The following TENT5D variants were observed in gnomAD, a reference collection of about 807,000 sequenced individuals.
The protein encoded by TENT5D is terminal nucleotidyltransferase 5D, also known as cancer/testis antigen 112.
For synonymous variants in TENT5D, 103 were observed against 100.6 expected (o/e 1.02, Z -0.15); for missense variants, 191 against 287.0 (o/e 0.67, Z 2.42).
chrX:80,387,526 A>T (rs769672321), intron 3 of TENT5D, among the ~76,000 whole-genome samples: 2 of 112,099 alleles, frequency 1.8e-5, no homozygotes, highest in East Asian at 5.7e-4. Context: ...CTGGTCTTGG[A>T]TATGATCTCA....
intron 2 of TENT5D, among the ~76,000 whole-genome samples, chrX:80,341,347 C>G (rs1204884427): frequency 1.8e-5 from 2 of 112,103 alleles, no homozygotes; most frequent in African/African-American, 3.2e-5. Context: ...GGATTTGTGC[C>G]TTAAAAGTCA....
chrX:80,399,215 G>GT (rs1162562279), intron 3 of TENT5D, among the ~76,000 whole-genome samples: 1 of 111,638 alleles, frequency 9.0e-6, no homozygotes, highest in African/African-American at 3.3e-5. Context: ...TTTCTCCCGT[G>GT]TTTTTCTACT....
chrX:80,421,183 TTTTG>T (rs767088641), intron 1 of TENT5D, among the ~76,000 whole-genome samples: 4 of 111,156 alleles, frequency 3.6e-5, no homozygotes, highest in Non-Finnish European at 3.8e-5. Context: ...TTTGTATAGT[TTTTG>T]TTTGTTTGTT....
At chrX:80,387,983 A>G (rs755470504) in intron 3 of TENT5D, among the ~76,000 whole-genome samples, 1 of 111,306 alleles carries the variant, frequency 9.0e-6, no homozygotes, top group African/African-American at 3.3e-5. Flanking sequence ...CTTTCTACAG[A>G]CAGAGCAGTC....
intron 3 of TENT5D, among the ~76,000 whole-genome samples, chrX:80,344,822 G>C (rs1192452968): frequency 9.0e-6 from 1 of 110,867 alleles, no homozygotes; most frequent in Non-Finnish European, 1.9e-5. Flanking sequence ...ATTATTACCT[G>C]TTTGCTTAAG....
chrX:80,412,116 A>G (rs1358237045), intron 3 of TENT5D, among the ~76,000 whole-genome samples: 4 of 112,796 alleles, frequency 3.5e-5, no homozygotes, highest in Admixed American at 9.3e-5. Flanking sequence ...TGCAGGCTCA[A>G]TGCCACATGG....
intron 3 of TENT5D, among the ~76,000 whole-genome samples, chrX:80,355,871 G>T (rs1210088669): frequency 9.0e-6 from 1 of 111,468 alleles, no homozygotes; most frequent in Non-Finnish European, 1.9e-5. Context: ...TTCCCAGCTG[G>T]TCTAGTTGAC....
intron 3 of TENT5D, among the ~76,000 whole-genome samples, chrX:80,363,311 TA>T (rs1383078950): frequency 9.0e-6 from 1 of 111,657 alleles, no homozygotes; most frequent in South Asian, 3.7e-4. Flanking sequence ...ACATTGAATA[TA>T]AAAACCAAAT....
At chrX:80,417,483 C>T (rs1288107879), upstream of TENT5D, among the ~76,000 whole-genome samples, 1 of 107,838 alleles carries the variant, frequency 9.3e-6, no homozygotes, top group Non-Finnish European at 1.9e-5. Flanking sequence ...TCTTCAGGAC[C>T]TCTTCTAAGG....
chrX:80,408,898 C>G (rs1427034540), intron 3 of TENT5D, among the ~76,000 whole-genome samples: 1 of 110,046 alleles, frequency 9.1e-6, no homozygotes, highest in African/African-American at 3.3e-5. Flanking sequence ...AGCTTATCCA[C>G]CATGATCAAG....
At chrX:80,405,601 C>T (rs772889748) in intron 3 of TENT5D, among the ~76,000 whole-genome samples, 38 of 112,149 alleles carry the variant, frequency 3.4e-4, no homozygotes, top group African/African-American at 1.2e-3. Flanking sequence ...TCGGAGGGTC[C>T]TACGCCCAGG....
intron 1 of TENT5D, among the ~76,000 whole-genome samples, chrX:80,425,881 G>C (rs1271306403): frequency 1.8e-5 from 2 of 110,340 alleles, no homozygotes; most frequent in Non-Finnish European, 3.8e-5. Context: ...ACAAAAATTA[G>C]CTGAGCATGG....
At chrX:80,376,262 G>A (rs1930725139) in intron 3 of TENT5D, among the ~76,000 whole-genome samples, 1 of 111,104 alleles carries the variant, frequency 9.0e-6, no homozygotes, top group South Asian at 3.7e-4. Context: ...AATCAATAAA[G>A]TACTGAAAAG....
At chrX:80,362,884 G>GA (rs779757553) in intron 3 of TENT5D, among the ~76,000 whole-genome samples, 33 of 108,310 alleles carry the variant, frequency 3.0e-4, no homozygotes, top group Non-Finnish European at 5.8e-4. Context: ...TTCATTGTCA[G>GA]AAAAAAAAAG....
At position 80,381,886 on chromosome X, in the gene TENT5D, T is replaced by G. The variant is rs749941974; in HGVS notation, c.-142+39322T>G. On this transcript the variant is annotated intron_variant, in intron 3 of 4. Coordinates refer to the TENT5D transcript ENST00000538312. The stretch of plus-strand genomic sequence containing the variant: ...TCTTTTTTCAAGGTTTTTAGCTTCC[T>G]TGCAATGAGTTCGAACATCCTTCTT... Among the ~76,000 whole-genome samples the G allele has an allele frequency of 3.9e-4, 44 of 112,226 alleles. No individual in the cohort carries two copies. The Admixed American group carries it at 4.1e-3, about 10-fold the overall frequency.
intron 3 of TENT5D, among the ~76,000 whole-genome samples, chrX:80,410,667 A>C (rs1232698958): frequency 6.8e-5 from 7 of 103,324 alleles, no homozygotes; most frequent in African/African-American, 1.8e-4. Flanking sequence ...TAGTTCAACC[A>C]TTGTGGAAGT....
intron 2 of TENT5D, 125 bp from the exon 3 acceptor site, chrX:80,442,397 A>T: frequency 2.3e-6 from 1 of 439,251 alleles, no homozygotes; most frequent in Non-Finnish European, 3.9e-6. Flanking sequence ...ATATATTGGT[A>T]ATTTCCTCCC....
chrX:80,359,699 T>C (rs1411474351), intron 3 of TENT5D, among the ~76,000 whole-genome samples: 4 of 111,036 alleles, frequency 3.6e-5, no homozygotes, highest in Non-Finnish European at 5.7e-5. Context: ...GGCAGGTTGA[T>C]GGGTGAAGCA....
At chrX:80,380,974 G>A (rs1349293702) in intron 3 of TENT5D, among the ~76,000 whole-genome samples, 1 of 111,652 alleles carries the variant, frequency 9.0e-6, no homozygotes, top group African/African-American at 3.3e-5. Context: ...GGTTAATATT[G>A]TTATATGTGA....
Sources: gnomAD v4.1 joint callset for allele counts (sites outside exome capture counted in the v4.1 genomes callset) on GRCh38, gnomAD v4.1.1 for gene constraint, MANE v1.5 for transcripts, NCBI Gene and HGNC (gene_info 2026-07-23, HGNC 2026-07-21) for gene names.